Variants in LMX1B observed in about 807,000 individuals in gnomAD.
LMX1B encodes the protein LIM homeobox transcription factor 1 beta, also known as LIM homeobox transcription factor 1-beta.
A neutral mutation model predicts 51.4 loss-of-function variants in LMX1B; 12 were observed. The ratio of observed to expected loss-of-function variants is 0.23; its 90% CI spans 0.15 to 0.38. The LOEUF (loss-of-function observed/expected upper bound fraction) is 0.38, where lower values mean the gene tolerates loss of function less well. Ranked by LOEUF, LMX1B falls within the 10% of genes least tolerant of loss-of-function variation. The probability of loss-of-function intolerance (pLI) is 1.00; values close to 1 mark genes in which losing one functional copy is unlikely to be tolerated. For missense variants in LMX1B, 445 were observed against 571.1 expected, an observed-to-expected ratio of 0.78 and a Z score of 2.25; for synonymous variants, 237 against 235.4, an observed-to-expected ratio of 1.01 and a Z score of -0.06.
Position 126,697,837 on chromosome 9 carries a change from C to CTGGTTTTTTTTGTTT in LMX1B, c.*1388_*1389insGTTTTTTTTGTTTTG, listed in dbSNP as rs1247233178. On this transcript the variant is annotated 3_prime_UTR_variant, in exon 8 of 8. Coordinates refer to ENST00000373474, the MANE Select transcript of LMX1B (RefSeq NM_001174147.2). ...TGTATATGCAGGATGGGGGCACCTA[C>CTGGTTTTTTTTGTTT]TGTTTTGTTTTGTTTTGTTTTGTTT... The CTGGTTTTTTTTGTTT allele has an allele frequency of 4.7e-5, 7 of 147,796 alleles. No individual in the cohort carries two copies. Among genetic ancestry groups the CTGGTTTTTTTTGTTT allele is most frequent in the African/African-American group, 1.8e-4 (7 of 38,986 alleles). The allele number at this position is 147,796 out of a possible 1,614,324, so 9.2% of individuals were successfully genotyped here.
chr9:126,689,009 A>T (rs1326759300), intron 2 of LMX1B, among the ~76,000 whole-genome samples: 1 of 152,220 alleles, frequency 6.6e-6, no homozygotes, highest in Non-Finnish European at 1.5e-5. Context: ...AACAGCCTTC[A>T]GGAAGGGCTT....
At chr9:126,619,986 T>C (rs1223100596) in intron 2 of LMX1B, among the ~76,000 whole-genome samples, 1 of 152,176 alleles carries the variant, frequency 6.6e-6, no homozygotes, top group Non-Finnish European at 1.5e-5. Flanking sequence ...AGTATTCTTA[T>C]AAGGACTTGA....
rs1009588476 is a variant in LMX1B at position 126,614,022 on chromosome 9, G to T, written c.-428G>T. Among the ~76,000 whole-genome samples, 13 of 121,706 alleles carry T rather than the reference G, an allele frequency of 1.1e-4. No homozygotes were observed. The highest frequency in any genetic ancestry group is 2.7e-4 in the South Asian group (1 of 3,680). The allele number at this position is 121,706 out of a possible 152,430, so 79.8% of individuals were successfully genotyped here. On this transcript the variant is annotated 5_prime_UTR_variant, in exon 1 of 8. Transcript: ENST00000373474. ...GGAGCCCCGCGGCCCGCTGCGCCCC[G>T]CCCGGGACCCCGCTGCGCCGCGCGC...
intron 2 of LMX1B, among the ~76,000 whole-genome samples, chr9:126,687,122 G>A (rs1001531727): frequency 1.6e-4 from 24 of 152,122 alleles, no homozygotes; most frequent in African/African-American, 5.6e-4. Context: ...GAAATGTGGG[G>A]TACCTGGAGT....
chr9:126,694,753 C>T (rs1162844764), intron 6 of LMX1B, among the ~76,000 whole-genome samples: 2 of 152,178 alleles, frequency 1.3e-5, no homozygotes, highest in African/African-American at 4.8e-5. Context: ...GCTGCTTCCT[C>T]GCTTCCCCCT....
Position 126,696,346 on chromosome 9 carries a change from C to T in LMX1B, c.1104C>T (p.Leu368=), listed in dbSNP as rs1171774327. 1.2e-6 allele frequency: 2 copies of T among 1,614,146 alleles called. No homozygotes were observed. The highest frequency in any genetic ancestry group is 3.3e-5 in the Admixed American group (2 of 60,026). Residue 368 remains leucine, a synonymous_variant, in exon 8 of 8, where the codon CTC becomes CTT. Transcript: ENST00000373474. The part of the protein sequence containing the change: ...DIDSDTSLTS[L]SDCFLGSSDV... Reference sequence around the variant, plus strand: ...ACAGCGATACCTCCTTAACCAGCCTCAGCGACTGCTTCCTCGGCTCCTCAG... The same window carrying T: ...ACAGCGATACCTCCTTAACCAGCCTTAGCGACTGCTTCCTCGGCTCCTCAG...
Position 126,613,935 on chromosome 9 carries a change from G to A in LMX1B, c.-515G>A, listed in dbSNP as rs1291675250. 6.8e-6 allele frequency among the ~76,000 whole-genome samples: 1 copy of A among 146,580 alleles called. No individual in the cohort carries two copies. The highest frequency in any genetic ancestry group is 2.4e-5 in the African/African-American group (1 of 40,854). On this transcript the variant is annotated 5_prime_UTR_variant, in exon 1 of 8. Transcript: ENST00000373474. The surrounding 1 kb of genome is among the most constrained non-coding windows in gnomAD (Gnocchi z 4.5). Reference sequence around the variant, plus strand: ...CCGTATCCCTCCGCCGCCAGCCCCAGCTCTAAACCCGGCGGCTCAGCGGGC... The same window carrying A: ...CCGTATCCCTCCGCCGCCAGCCCCAACTCTAAACCCGGCGGCTCAGCGGGC...
intron 2 of LMX1B, among the ~76,000 whole-genome samples, chr9:126,617,227 C>T (rs1337424077): frequency 1.3e-5 from 2 of 151,918 alleles, no homozygotes; most frequent in Non-Finnish European, 2.9e-5. Flanking sequence ...CCTCTAGCCC[C>T]CTCCCCACCA....
chr9:126,688,552 C>G (rs757922568), intron 2 of LMX1B, among the ~76,000 whole-genome samples: 1 of 152,210 alleles, frequency 6.6e-6, no homozygotes, highest in African/African-American at 2.4e-5. Flanking sequence ...GGACCACCCT[C>G]CATGTCAGAG....
At position 126,671,497 on chromosome 9, in the gene LMX1B, A is replaced by G. The variant is rs549584699; in HGVS notation, c.327-19339A>G. Among the ~76,000 whole-genome samples the G allele has an allele frequency of 1.4e-3, 219 of 152,226 alleles. 1 individual carries two copies. The highest frequency in any genetic ancestry group is 2.1e-3 in the Non-Finnish European group (144 of 68,008). ...TGGCTGGGTAAATAGTCGCCGCAGT[A>G]ATCGCAGGCTGATTCCAACTAATTA... On this transcript the variant is annotated intron_variant, in intron 2 of 7. Coordinates refer to ENST00000373474, the MANE Select transcript of LMX1B (RefSeq NM_001174147.2). The surrounding 1 kb of genome is among the most constrained non-coding windows in gnomAD (Gnocchi z 4.4).
chr9:126,616,045 G>A (rs528242174), intron 2 of LMX1B, among the ~76,000 whole-genome samples: 3 of 152,332 alleles, frequency 2.0e-5, no homozygotes, highest in African/African-American at 7.2e-5. Flanking sequence ...GAGCGGCAAG[G>A]GAGGCCCCCT....
intron 2 of LMX1B, among the ~76,000 whole-genome samples, chr9:126,685,311 G>A (rs1222993004): frequency 1.3e-5 from 2 of 152,154 alleles, no homozygotes; most frequent in Non-Finnish European, 2.9e-5. Flanking sequence ...AAGCCTGGCC[G>A]AGAGAGCTGG....
In LMX1B at chr9:126,698,941, T is replaced by C. The variant is rs906297828; in HGVS notation, c.*2490T>C. ...AACAGAGCCTCTCCAAGGACCTCAG[T>C]TGATGTTCTGGTCCTTCTGCCGCCT... is the stretch of plus-strand genomic sequence containing the variant. On this transcript the variant is annotated 3_prime_UTR_variant, in exon 8 of 8. Coordinates refer to ENST00000373474, the MANE Select transcript of LMX1B (RefSeq NM_001174147.2). 24 of 152,336 alleles carry C rather than the reference T, an allele frequency of 1.6e-4. No individual in the cohort carries two copies. Among genetic ancestry groups the C allele is most frequent in the African/African-American group, 5.5e-4 (23 of 41,472 alleles). The allele number at this position is 152,336 out of a possible 1,614,324, so 9.4% of individuals were successfully genotyped here.
At position 126,615,427 on chromosome 9, in the gene LMX1B, C is replaced by T. The variant is rs371293980; in HGVS notation, c.184C>T (p.Pro62Ser). 2.5e-5 allele frequency: 40 copies of T among 1,608,340 alleles called. No individual in the cohort carries two copies. The highest frequency in any genetic ancestry group is 1.6e-4 in the African/African-American group (12 of 74,254). Residue 62 changes from proline to serine, a missense_variant, in exon 2 of 8, where the codon CCC becomes TCC. Physicochemically the swap from Pro to Ser is moderately conservative, Grantham distance 74. Around this residue, in one of 3 missense-constraint regions of LMX1B, gnomAD observed 273 missense variants for 343.3 expected, o/e 0.80. Transcript: ENST00000373474. The surrounding 1 kb of genome is among the most constrained non-coding windows in gnomAD (Gnocchi z 6.0). ...HPAVCEGCQRPISDRFLMRVN... is the reference protein window; with the variant it reads ...HPAVCEGCQRSISDRFLMRVN... ...CGCCGTCTGCGAGGGCTGCCAGCGG[C>T]CCATCTCCGACCGCTTCCTGATGCG...
intron 2 of LMX1B, among the ~76,000 whole-genome samples, chr9:126,646,713 C>G (rs773072475): frequency 3.9e-5 from 6 of 152,240 alleles, no homozygotes; most frequent in Admixed American, 6.5e-5. Flanking sequence ...GAACCAGACT[C>G]TTGGTCCAAT....
At chr9:126,682,894 G>GAAAAAAAA (rs577172677) in intron 2 of LMX1B, among the ~76,000 whole-genome samples, 30 of 86,014 alleles carry the variant, frequency 3.5e-4, no homozygotes, top group South Asian at 1.0e-3. Context: ...CACTCTGTCT[G>GAAAAAAAA]AAAAAAAAAA....
At chr9:126,632,772 G>C (rs1193913981) in intron 2 of LMX1B, among the ~76,000 whole-genome samples, 1 of 152,208 alleles carries the variant, frequency 6.6e-6, no homozygotes, top group Non-Finnish European at 1.5e-5. Flanking sequence ...AGCACTCTGG[G>C]CTGGTCCCAG....
intron 2 of LMX1B, among the ~76,000 whole-genome samples, chr9:126,652,002 G>GT (rs575576870): frequency 5.9e-5 from 9 of 151,742 alleles, no homozygotes; most frequent in Admixed American, 2.0e-4. Flanking sequence ...GCCAGAGATG[G>GT]GGGGGGGCCT....
At chr9:126,664,365 G>A (rs887888957) in intron 2 of LMX1B, among the ~76,000 whole-genome samples, 5 of 151,982 alleles carry the variant, frequency 3.3e-5, no homozygotes, top group African/African-American at 7.2e-5. Flanking sequence ...CCCCCGCAGC[G>A]CAGCCCAGCC....
Sources: gnomAD v4.1 joint callset for allele counts (sites outside exome capture counted in the v4.1 genomes callset) on GRCh38, gnomAD v4.1.1 for gene constraint, gnomAD v4.1.1 regional missense constraint, Gnocchi (gnomAD v3.1) non-coding constraint, MANE v1.5 for transcripts, NCBI Gene and HGNC (gene_info 2026-07-23, HGNC 2026-07-21) for gene names.